The following SLC35F3 variants were observed in gnomAD, a reference collection of about 807,000 sequenced individuals.
SLC35F3 encodes solute carrier family 35 member F3.
Under a neutral mutation model 49.9 loss-of-function variants are expected in SLC35F3, and 25 were observed. The ratio of observed to expected loss-of-function variants is 0.50; its 90% CI spans 0.37 to 0.70. SLC35F3 has a LOEUF of 0.70. Among genes scored for constraint, SLC35F3 ranks in the 30% least tolerant of loss-of-function variants. The pLI is 0.00. For missense variants in SLC35F3, 525 were observed against 639.8 expected, an observed-to-expected ratio of 0.82 and a Z score of 1.94; for synonymous variants, 275 against 265.4, an observed-to-expected ratio of 1.04 and a Z score of -0.35.
chr1:233,935,513 A>AT (rs1049815865), intron 2 of SLC35F3, among the ~76,000 whole-genome samples: 12 of 151,078 alleles, frequency 7.9e-5, no homozygotes, highest in South Asian at 4.2e-4. Context: ...GAAGCAACCG[A>AT]TTTTTTTTTC....
chr1:234,302,259 C>T (rs1487009935), intron 3 of SLC35F3, among the ~76,000 whole-genome samples: 2 of 151,916 alleles, frequency 1.3e-5, no homozygotes. Flanking sequence ...TCAAAGGAAA[C>T]TTTGGGGACT....
chr1:234,283,906 CAAATT>C (rs1433350815), intron 3 of SLC35F3, among the ~76,000 whole-genome samples: 3 of 152,126 alleles, frequency 2.0e-5, no homozygotes, highest in South Asian at 4.1e-4. Context: ...GACACAATAT[CAAATT>C]AAATATTTTT....
intron 2 of SLC35F3, among the ~76,000 whole-genome samples, chr1:233,920,212 A>G (rs369500883): frequency 1.3e-5 from 2 of 152,350 alleles, no homozygotes; most frequent in South Asian, 2.1e-4. Flanking sequence ...AAGAACAAGA[A>G]AAAGGGAGGT....
At chr1:234,159,364 G>C (rs1408115745) in intron 2 of SLC35F3, among the ~76,000 whole-genome samples, 1 of 152,066 alleles carries the variant, frequency 6.6e-6, no homozygotes, top group Non-Finnish European at 1.5e-5. Flanking sequence ...ATCACCTGAG[G>C]TCAGGAGTTT....
At chr1:234,217,323 T>A (rs1241919267) in intron 2 of SLC35F3, among the ~76,000 whole-genome samples, 3 of 152,240 alleles carry the variant, frequency 2.0e-5, no homozygotes, top group Non-Finnish European at 4.4e-5. Flanking sequence ...CATCCAACCC[T>A]ACTCTGTGTC....
chr1:234,275,169 A>G (rs1668181963), intron 3 of SLC35F3, among the ~76,000 whole-genome samples: 2 of 152,236 alleles, frequency 1.3e-5, no homozygotes, highest in African/African-American at 4.8e-5. Flanking sequence ...GTCAAAACGT[A>G]GTCAAAGCTT....
intron 2 of SLC35F3, among the ~76,000 whole-genome samples, chr1:234,111,227 A>G (rs1013251603): frequency 1.3e-5 from 2 of 152,186 alleles, no homozygotes; most frequent in Non-Finnish European, 1.5e-5. Context: ...AATTTAATCT[A>G]GCTCCTGATC....
intron 2 of SLC35F3, among the ~76,000 whole-genome samples, chr1:234,100,566 TTCTAAG>T (rs1452148544): frequency 6.6e-6 from 1 of 152,218 alleles, no homozygotes; most frequent in African/African-American, 2.4e-5. Context: ...ATGGAAATGT[TTCTAAG>T]TCTGTTTGTG....
chr1:234,244,700 C>G (rs1011002841), intron 3 of SLC35F3, among the ~76,000 whole-genome samples: 1 of 151,128 alleles, frequency 6.6e-6, no homozygotes, highest in Admixed American at 6.6e-5. Flanking sequence ...TCTGATTGAA[C>G]TGAGAGTAAA....
At chr1:234,304,046 T>TTCCTTCCTTCC (rs1558104721) in intron 3 of SLC35F3, among the ~76,000 whole-genome samples, 792 of 24,264 alleles carry the variant, frequency 0.033, 5 homozygotes, top group South Asian at 0.068. Flanking sequence ...TCCTTCCTTC[T>TTCCTTCCTTCC]TTCTTTCCTT....
At chr1:234,204,353 C>CA (rs1210103675) in intron 2 of SLC35F3, among the ~76,000 whole-genome samples, 1 of 151,950 alleles carries the variant, frequency 6.6e-6, no homozygotes, top group African/African-American at 2.4e-5. Context: ...AACAGATTGA[C>CA]AAAAACCCAA....
At chr1:234,130,909 C>T (rs1158219213) in intron 2 of SLC35F3, among the ~76,000 whole-genome samples, 2 of 149,838 alleles carry the variant, frequency 1.3e-5, no homozygotes, top group Non-Finnish European at 1.5e-5. Flanking sequence ...TGGAAGCAAC[C>T]AAACTGTTTT....
intron 2 of SLC35F3, among the ~76,000 whole-genome samples, chr1:234,111,651 G>A (rs1037570272): frequency 4.6e-5 from 7 of 152,330 alleles, no homozygotes; most frequent in South Asian, 2.1e-4. Flanking sequence ...TGGCCACATC[G>A]TGTGACCCAT....
chr1:234,285,300 G>C lies in SLC35F3; in HGVS notation c.609-23801G>C, dbSNP rs184350165. ...CCTTATCCAGAAGAATGGGTCTCTT[G>C]TTGAAATCTGAAATTTCTTGGGTGG... On this transcript the variant is annotated intron_variant, in intron 3 of 7. Coordinates refer to ENST00000366618, the MANE Select transcript of SLC35F3 (RefSeq NM_173508.4). 553 of 473,626 alleles carry C rather than the reference G, an allele frequency of 1.2e-3. 3 individuals are homozygous for C. Among genetic ancestry groups the C allele is most frequent in the African/African-American group, 9.8e-3 (493 of 50,374 alleles). 29.3% of individuals were successfully genotyped at this position (473,626 alleles called of 1,614,324 possible). A position where few individuals can be genotyped will look rare whatever the true frequency, so the allele number is the denominator to read the frequency against.
intron 2 of SLC35F3, among the ~76,000 whole-genome samples, chr1:233,982,689 C>T (rs1457416267): frequency 1.3e-5 from 2 of 152,056 alleles, no homozygotes; most frequent in Non-Finnish European, 2.9e-5. Context: ...TGTCAGATAC[C>T]CACATCTTTT....
At chr1:234,302,704 T>G (rs1668711912) in intron 3 of SLC35F3, among the ~76,000 whole-genome samples, 1 of 152,094 alleles carries the variant, frequency 6.6e-6, no homozygotes. Context: ...TGTTTGAACT[T>G]GAGTGGGTCT....
intron 3 of SLC35F3, among the ~76,000 whole-genome samples, chr1:234,233,726 C>G (rs1002871867): frequency 1.3e-5 from 2 of 152,228 alleles, no homozygotes; most frequent in African/African-American, 4.8e-5. Flanking sequence ...CTGATGACTG[C>G]CCTGTTAACT....
At chr1:234,042,073 C>A (rs548606100) in intron 2 of SLC35F3, among the ~76,000 whole-genome samples, 18 of 152,258 alleles carry the variant, frequency 1.2e-4, no homozygotes, top group African/African-American at 4.3e-4. Flanking sequence ...GTCACTCTTC[C>A]CTGACGTCAA....
chr1:233,919,313 C>G (rs1401503109), intron 2 of SLC35F3, among the ~76,000 whole-genome samples: 1 of 152,174 alleles, frequency 6.6e-6, no homozygotes, highest in South Asian at 2.1e-4. Context: ...GTGCCATCTT[C>G]CAGATAGAAC....
Sources: gnomAD v4.1 joint callset for allele counts (sites outside exome capture counted in the v4.1 genomes callset) on GRCh38, gnomAD v4.1.1 for gene constraint, MANE v1.5 for transcripts, NCBI Gene and HGNC (gene_info 2026-07-23, HGNC 2026-07-21) for gene names.